LINGO2: variants seen among roughly 807,000 people sequenced by gnomAD.
The protein encoded by LINGO2 is leucine-rich repeat and immunoglobulin-like domain-containing nogo receptor-interacting protein 2.
LINGO2 carries 14 observed loss-of-function variants against 30.6 expected under a neutral mutation model. The observed-to-expected ratio is 0.46, with a 90% CI of 0.30 to 0.72. LINGO2 has a LOEUF of 0.72. Ranked by LOEUF, LINGO2 falls within the 30% of genes least tolerant of loss-of-function variation. The probability of loss-of-function intolerance (pLI) is 0.07; values close to 1 mark genes in which losing one functional copy is unlikely to be tolerated. For synonymous variants in LINGO2, 317 were observed against 288.5 expected (o/e 1.10, Z -1.00); for missense variants, 729 against 751.7 (o/e 0.97, Z 0.35).
At chr9:28,247,308 A>G (rs1213523225) in intron 4 of LINGO2, among the ~76,000 whole-genome samples, 1 of 152,230 alleles carries the variant, frequency 6.6e-6, no homozygotes, top group Non-Finnish European at 1.5e-5. Flanking sequence ...TAGTATGTTT[A>G]TTGTAGCACT....
the LINGO2 span, among the ~76,000 whole-genome samples, chr9:28,855,765 A>C: frequency 2.0e-5 from 3 of 151,996 alleles, no homozygotes; most frequent in African/African-American, 7.2e-5. Flanking sequence ...TGTGCCAGGC[A>C]CTATCTGTCC....
At chr9:29,006,912 T>C in the LINGO2 span, among the ~76,000 whole-genome samples, 2 of 151,986 alleles carry the variant, frequency 1.3e-5, no homozygotes, top group East Asian at 1.9e-4. Flanking sequence ...CTCTGTGAAA[T>C]GGTAATGAAA....
At chr9:28,487,160 C>T (rs1826203043) in intron 1 of LINGO2, among the ~76,000 whole-genome samples, 1 of 152,104 alleles carries the variant, frequency 6.6e-6, no homozygotes, top group Admixed American at 6.6e-5. Context: ...CATTGGTCCC[C>T]ATCGGGTAGG....
chr9:29,102,015 A>G, the LINGO2 span, among the ~76,000 whole-genome samples: 1 of 151,890 alleles, frequency 6.6e-6, no homozygotes, highest in African/African-American at 2.4e-5. Context: ...TATTTAAGTC[A>G]TAGTTGACTT....
intron 5 of LINGO2, among the ~76,000 whole-genome samples, chr9:27,978,448 G>A (rs896803951): frequency 4.6e-5 from 7 of 151,988 alleles, no homozygotes; most frequent in Non-Finnish European, 8.8e-5. Context: ...TAGGTCATGA[G>A]GGTGAAGTCC....
the LINGO2 span, among the ~76,000 whole-genome samples, chr9:28,731,477 C>A: frequency 1.4e-4 from 22 of 152,094 alleles, no homozygotes; most frequent in Non-Finnish European, 2.9e-4. Flanking sequence ...TTATATAATA[C>A]TTTCGAAATA....
chr9:28,362,695 C>T (rs1303246295), intron 3 of LINGO2, among the ~76,000 whole-genome samples: 2 of 152,186 alleles, frequency 1.3e-5, no homozygotes, highest in East Asian at 3.9e-4. Flanking sequence ...GTCTCGAACT[C>T]CCAACCTCAG....
At chr9:28,076,596 A>C (rs1825630568) in intron 4 of LINGO2, among the ~76,000 whole-genome samples, 1 of 151,742 alleles carries the variant, frequency 6.6e-6, no homozygotes, top group South Asian at 2.1e-4. Flanking sequence ...TTCATGTCAG[A>C]TTTTCTCTGA....
chr9:28,554,976 C>T, intron 1 of LINGO2, among the ~76,000 whole-genome samples: 1 of 130,614 alleles, frequency 7.7e-6, no homozygotes, highest in East Asian at 2.2e-4. Context: ...ATACCAGAAT[C>T]TCTGGGACGC....
At chr9:29,118,338 A>T in the LINGO2 span, among the ~76,000 whole-genome samples, 2 of 152,194 alleles carry the variant, frequency 1.3e-5, no homozygotes, top group Admixed American at 6.5e-5. Flanking sequence ...ACATTTGGTG[A>T]TCATTAAAAT....
the LINGO2 span, among the ~76,000 whole-genome samples, chr9:29,055,878 G>A: frequency 0.17 from 25,226 of 145,910 alleles, 2,305 homozygotes; most frequent in East Asian, 0.34. Context: ...TCCAGGTTGC[G>A]GCAAATCCCA....
chr9:29,084,647 C>A, the LINGO2 span, among the ~76,000 whole-genome samples: 2 of 152,022 alleles, frequency 1.3e-5, no homozygotes, highest in African/African-American at 4.8e-5. Flanking sequence ...TCCTTTACAT[C>A]TCATACTAAG....
intron 1 of LINGO2, among the ~76,000 whole-genome samples, chr9:28,580,881 G>C (rs1420951820): frequency 6.6e-6 from 1 of 152,002 alleles, no homozygotes; most frequent in Non-Finnish European, 1.5e-5. Flanking sequence ...TAGTGGGTAA[G>C]TATTTTCCTG....
At chr9:28,914,866 C>T in the LINGO2 span, among the ~76,000 whole-genome samples, 1 of 152,204 alleles carries the variant, frequency 6.6e-6, no homozygotes, top group African/African-American at 2.4e-5. Context: ...GGTGCGGTGG[C>T]TCACGCCTGT....
At chr9:28,883,957 C>G in the LINGO2 span, among the ~76,000 whole-genome samples, 4 of 151,420 alleles carry the variant, frequency 2.6e-5, no homozygotes, top group African/African-American at 7.3e-5. Flanking sequence ...GGATTACAGG[C>G]GTGAGCCACC....
At chr9:28,332,348 G>A (rs866445758) in intron 3 of LINGO2, among the ~76,000 whole-genome samples, 3 of 152,076 alleles carry the variant, frequency 2.0e-5, no homozygotes, top group Admixed American at 6.6e-5. Flanking sequence ...AATCCAAGGC[G>A]CTACACTGAG....
the LINGO2 span, among the ~76,000 whole-genome samples, chr9:28,907,466 T>C: frequency 1.3e-5 from 2 of 151,740 alleles, no homozygotes; most frequent in African/African-American, 4.8e-5. Flanking sequence ...AGATTTCTAA[T>C]GAGAAGTAGA....
chr9:28,989,375 A>C, the LINGO2 span, among the ~76,000 whole-genome samples: 1 of 152,244 alleles, frequency 6.6e-6, no homozygotes, highest in Non-Finnish European at 1.5e-5. Context: ...TACAATAACT[A>C]TTTGTATTAA....
the LINGO2 span, among the ~76,000 whole-genome samples, chr9:29,175,966 T>C: frequency 2.0e-5 from 3 of 152,134 alleles, no homozygotes; most frequent in Admixed American, 6.5e-5. Context: ...CAGCAGTCCC[T>C]CTACCTTGGT....
Sources: allele counts gnomAD v4.1 joint callset (sites outside exome capture counted in the v4.1 genomes callset), GRCh38; gene constraint gnomAD v4.1.1; transcripts MANE v1.5; gene names NCBI Gene and HGNC (gene_info 2026-07-23, HGNC 2026-07-21).